The following SGK3 variants were observed in gnomAD, a reference collection of about 807,000 sequenced individuals.
SGK3 encodes the protein serum/glucocorticoid regulated kinase family member 3, also known as serine/threonine-protein kinase Sgk3.
SGK3 carries 47 observed loss-of-function variants against 68.5 expected under a neutral mutation model. The observed-to-expected ratio is 0.69, with a 90% CI of 0.54 to 0.87. The LOEUF is 0.87. Ranked by LOEUF, SGK3 falls within the 40% of genes least tolerant of loss-of-function variation. SGK3 has a pLI of 0.00. For missense variants in SGK3, 479 were observed against 575.5 expected, an observed-to-expected ratio of 0.83 and a Z score of 1.72; for synonymous variants, 181 against 189.1, an observed-to-expected ratio of 0.96 and a Z score of 0.35.
intron 1 of SGK3, among the ~76,000 whole-genome samples, chr8:66,744,035 C>T (rs1330010619): frequency 6.6e-6 from 1 of 152,208 alleles, no homozygotes; most frequent in South Asian, 2.1e-4. Flanking sequence ...GGATCCTTTG[C>T]TGCTTCTTTT....
At chr8:66,827,710 A>G (rs1809121992) in intron 6 of SGK3, among the ~76,000 whole-genome samples, 2 of 152,304 alleles carry the variant, frequency 1.3e-5, no homozygotes, top group South Asian at 4.1e-4. Context: ...AAATTTCTTC[A>G]TAGCATACTA....
chr8:66,768,865 G>C (rs937317149), intron 1 of SGK3, among the ~76,000 whole-genome samples: 13 of 152,124 alleles, frequency 8.5e-5, no homozygotes, highest in African/African-American at 3.1e-4. Flanking sequence ...GAGCCACTGT[G>C]CCCAGCCACT....
At chr8:66,842,792 G>T (rs1809849052) in intron 13 of SGK3, among the ~76,000 whole-genome samples, 1 of 152,118 alleles carries the variant, frequency 6.6e-6, no homozygotes, top group Non-Finnish European at 1.5e-5. Context: ...ATTCTTGCCG[G>T]GTGCCGTGGC....
intron 12 of SGK3, 118 bp downstream of exon 12, chr8:66,840,365 A>C: frequency 1.9e-6 from 2 of 1,028,618 alleles, no homozygotes; most frequent in Non-Finnish European, 2.8e-6. Context: ...TAACATTCTC[A>C]AAATGACAAA....
At chr8:66,731,972 T>A (rs1805168525) in intron 1 of SGK3, among the ~76,000 whole-genome samples, 1 of 152,220 alleles carries the variant, frequency 6.6e-6, no homozygotes, top group Non-Finnish European at 1.5e-5. Context: ...CATCTCAAAC[T>A]AGCATTCATA....
At chr8:66,793,922 C>G (rs780675845) in intron 2 of SGK3, 90 bp downstream of exon 2, 4 of 1,324,374 alleles carry the variant, frequency 3.0e-6, no homozygotes, top group Non-Finnish European at 4.2e-6. Flanking sequence ...AGAACACCCC[C>G]TTCCCCATCT....
chr8:66,797,008 T>C (rs34832269), intron 2 of SGK3, among the ~76,000 whole-genome samples: 2 of 152,168 alleles, frequency 1.3e-5, no homozygotes, highest in Non-Finnish European at 2.9e-5. Flanking sequence ...TTGTCTACTG[T>C]TTTATTAGTA....
intron 4 of SGK3, among the ~76,000 whole-genome samples, chr8:66,811,138 G>T (rs1439542991): frequency 2.0e-5 from 3 of 152,066 alleles, no homozygotes; most frequent in African/African-American, 4.8e-5. Flanking sequence ...ACCTCAGCCT[G>T]CTGAGTAGCT....
Position 66,843,452 on chromosome 8 carries a change from T to C in SGK3, c.979T>C (p.Tyr327His). 6.2e-7 allele frequency: 1 copy of C among 1,612,098 alleles called. No individual in the cohort carries two copies. Among genetic ancestry groups the C allele is most frequent in the South Asian group, 1.1e-5 (1 of 90,896 alleles). Residue 327 changes from tyrosine to histidine, a missense_variant and splice_region_variant, in exon 14 of 17, where the codon TAT (tyrosine) becomes CAT (histidine). By Grantham distance (83) the Tyr-to-His change is moderately conservative (BLOSUM62 2). This residue lies in a region of SGK3 where 173 missense variants were observed against 214.3 expected (regional missense o/e 0.81). Transcript: ENST00000521198. Reference sequence around the variant, plus strand: ...TCTAATATTTTATTGTTTTCTATAGTATCTTGCACCTGAAGTAATTAGAAA... The same window carrying C: ...TCTAATATTTTATTGTTTTCTATAGCATCTTGCACCTGAAGTAATTAGAAA... ...TTTTFCGTPE[Y>H]LAPEVIRKQP...
intron 1 of SGK3, among the ~76,000 whole-genome samples, chr8:66,727,389 G>A (rs1354418518): frequency 2.0e-5 from 3 of 152,168 alleles, no homozygotes; most frequent in African/African-American, 7.2e-5. Flanking sequence ...GAGCCACCAT[G>A]AGCCAGGTCT....
At chr8:66,839,058 G>T (rs1007186042) in intron 10 of SGK3, among the ~76,000 whole-genome samples, 6 of 152,046 alleles carry the variant, frequency 3.9e-5, no homozygotes, top group African/African-American at 1.2e-4. Context: ...CAACAGAATG[G>T]ATAAAGTTAC....
chr8:66,816,026 G>A (rs554025240), intron 5 of SGK3, among the ~76,000 whole-genome samples: 1 of 152,118 alleles, frequency 6.6e-6, no homozygotes, highest in African/African-American at 2.4e-5. Context: ...TTGAGACGGA[G>A]TCTCACTGTG....
At chr8:66,753,071 T>A (rs1400418766) in intron 1 of SGK3, among the ~76,000 whole-genome samples, 1 of 152,216 alleles carries the variant, frequency 6.6e-6, no homozygotes. Context: ...GAAAAAGCTC[T>A]GAATATTACA....
At chr8:66,787,036 C>A (rs1029084322) in intron 1 of SGK3, among the ~76,000 whole-genome samples, 4 of 147,956 alleles carry the variant, frequency 2.7e-5, no homozygotes, top group African/African-American at 1.0e-4. Context: ...CTCTTGTGTC[C>A]CAGTTCAAGC....
rs970860629 is a variant in SGK3 at position 66,843,397 on chromosome 8, A to T, written c.979-55A>T. On this transcript the variant is annotated intron_variant, in intron 13 of 16. Transcript: ENST00000521198. ...TTGTTAAATTTCTCAATTATTTATAAATTTTGTCTTGATTTGTTTACTGAC... is the reference window on the plus strand; with the variant it reads ...TTGTTAAATTTCTCAATTATTTATATATTTTGTCTTGATTTGTTTACTGAC... 12 of 1,537,326 alleles carry T rather than the reference A, an allele frequency of 7.8e-6. No homozygotes were observed. In the African/African-American group the frequency reaches 1.7e-4, roughly 21 times the overall value.
intron 1 of SGK3, among the ~76,000 whole-genome samples, chr8:66,747,703 G>A (rs1805692343): frequency 6.6e-6 from 1 of 152,130 alleles, no homozygotes; most frequent in African/African-American, 2.4e-5. Flanking sequence ...GACTACAGGT[G>A]TGTGCCACCA....
intron 8 of SGK3, among the ~76,000 whole-genome samples, chr8:66,833,833 A>C (rs1269669110): frequency 6.6e-6 from 1 of 152,318 alleles, no homozygotes; most frequent in East Asian, 1.9e-4. Flanking sequence ...TTGGGATTAC[A>C]GGCGTGTGCC....
intron 1 of SGK3, among the ~76,000 whole-genome samples, chr8:66,792,699 T>G (rs1185714334): frequency 2.6e-5 from 4 of 152,096 alleles, no homozygotes; most frequent in Non-Finnish European, 4.4e-5. Flanking sequence ...GGCAATGTAA[T>G]GAGACCCTGT....
intron 16 of SGK3, among the ~76,000 whole-genome samples, chr8:66,852,540 G>A (rs995616378): frequency 7.2e-5 from 11 of 152,048 alleles, no homozygotes; most frequent in African/African-American, 2.7e-4. Flanking sequence ...CAGCCTCCCA[G>A]AGTGCTGGGA....
Sources: gnomAD v4.1 joint callset for allele counts (sites outside exome capture counted in the v4.1 genomes callset) on GRCh38, gnomAD v4.1.1 for gene constraint, gnomAD v4.1.1 regional missense constraint, MANE v1.5 for transcripts, NCBI Gene and HGNC (gene_info 2026-07-23, HGNC 2026-07-21) for gene names.